The following MALRD1 variants were observed in gnomAD, a reference collection of about 807,000 sequenced individuals.
The protein encoded by MALRD1 is MAM and LDL receptor class A domain containing 1.
In MALRD1, 247 loss-of-function variants were observed where a neutral mutation model predicts 242.1. The ratio of observed to expected loss-of-function variants is 1.02; its 90% CI spans 0.92 to 1.13. The LOEUF is 1.13. Ranked by LOEUF, MALRD1 falls within the 50% of genes most tolerant of loss-of-function variation. The pLI, the probability that MALRD1 is intolerant of heterozygous loss-of-function variation, is 0.00. For synonymous variants in MALRD1, 995 were observed against 866.6 expected (o/e 1.15, Z -2.60); for missense variants, 2,989 against 2,533.1 (o/e 1.18, Z -3.86).
At chr10:19,313,560 C>T (rs1017006653) in intron 21 of MALRD1, among the ~76,000 whole-genome samples, 1 of 151,268 alleles carries the variant, frequency 6.6e-6, no homozygotes, top group African/African-American at 2.4e-5. Context: ...ATCCCAAGTA[C>T]CCCAATTTGA....
intron 11 of MALRD1, among the ~76,000 whole-genome samples, chr10:19,151,880 T>G (rs543510386): frequency 6.6e-6 from 1 of 152,202 alleles, no homozygotes; most frequent in East Asian, 1.9e-4. Context: ...TAATTTTATT[T>G]ATTATTCATT....
intron 32 of MALRD1, among the ~76,000 whole-genome samples, chr10:19,562,165 G>A (rs543307308): frequency 1.3e-5 from 2 of 152,136 alleles, no homozygotes; most frequent in African/African-American, 2.4e-5. Flanking sequence ...GCGTGGTGGC[G>A]GGTGCCTGTA....
chr10:19,162,500 C>T (rs1160174293), intron 12 of MALRD1, among the ~76,000 whole-genome samples: 4 of 152,082 alleles, frequency 2.6e-5, no homozygotes, highest in Non-Finnish European at 5.9e-5. Flanking sequence ...CTGGCATGTA[C>T]CAGGTTGAGA....
At chr10:19,224,396 C>A (rs11009001) in intron 18 of MALRD1, among the ~76,000 whole-genome samples, 9,819 of 151,744 alleles carry the variant, frequency 0.065, 381 homozygotes, top group East Asian at 0.17. Flanking sequence ...AAGCAATTCT[C>A]CTGCCTTAGC....
At chr10:19,374,893 T>A (rs1366272297) in intron 26 of MALRD1, among the ~76,000 whole-genome samples, 1 of 152,164 alleles carries the variant, frequency 6.6e-6, no homozygotes, top group Non-Finnish European at 1.5e-5. Flanking sequence ...ATGGATTTCA[T>A]TCTGGGCAGT....
chr10:19,243,775 TA>T (rs1838914452), intron 18 of MALRD1, among the ~76,000 whole-genome samples: 1 of 152,178 alleles, frequency 6.6e-6, no homozygotes. Flanking sequence ...TAGAAATATG[TA>T]ATAACCATAA....
In MALRD1 at chr10:19,364,415, A is replaced by C. The variant is rs570391126; in HGVS notation, c.4441+12118A>C. Reference sequence around the variant, plus strand: ...ACTCACAATTTGGTTGTTTCTTAGGAGCTCTAAAAACCAAAAGACTACATT... The same window carrying C: ...ACTCACAATTTGGTTGTTTCTTAGGCGCTCTAAAAACCAAAAGACTACATT... On this transcript the variant is annotated intron_variant, in intron 26 of 39. Coordinates refer to ENST00000454679, the MANE Select transcript of MALRD1 (RefSeq NM_001142308.3). Among the ~76,000 whole-genome samples the C allele has an allele frequency of 1.5e-3, 224 of 152,198 alleles. 3 individuals are homozygous for C. The highest frequency in any genetic ancestry group is 3.4e-3 in the Middle Eastern group (1 of 294).
At chr10:19,115,575 A>T (rs1836843036) in intron 5 of MALRD1, among the ~76,000 whole-genome samples, 1 of 152,136 alleles carries the variant, frequency 6.6e-6, no homozygotes, top group African/African-American at 2.4e-5. Context: ...TTTATAATAT[A>T]TGGCTTATTT....
intron 21 of MALRD1, among the ~76,000 whole-genome samples, chr10:19,311,408 G>T (rs527929872): frequency 1.9e-4 from 28 of 151,204 alleles, no homozygotes; most frequent in Non-Finnish European, 3.0e-4. Context: ...TTTCCTGCTG[G>T]TGTTTACCTT....
At chr10:19,448,803 A>G (rs1835148028) in intron 28 of MALRD1, among the ~76,000 whole-genome samples, 1 of 151,928 alleles carries the variant, frequency 6.6e-6, no homozygotes, top group Non-Finnish European at 1.5e-5. Context: ...ACATTATAAC[A>G]GAATTTATGA....
At chr10:19,254,916 CAT>C (rs1296250844) in intron 18 of MALRD1, among the ~76,000 whole-genome samples, 5 of 151,926 alleles carry the variant, frequency 3.3e-5, no homozygotes, top group African/African-American at 1.2e-4. Flanking sequence ...GAGGCTAAAA[CAT>C]GTGTTTGTAT....
At chr10:19,507,046 G>A (rs1017829738) in intron 31 of MALRD1, among the ~76,000 whole-genome samples, 1 of 152,018 alleles carries the variant, frequency 6.6e-6, no homozygotes, top group Non-Finnish European at 1.5e-5. Flanking sequence ...CACAACGCAT[G>A]GTGAAAGCAG....
chr10:19,103,689 A>T (rs1836361229), intron 4 of MALRD1, among the ~76,000 whole-genome samples: 1 of 152,218 alleles, frequency 6.6e-6, no homozygotes, highest in African/African-American at 2.4e-5. Flanking sequence ...AACACATAGG[A>T]ACTGAAAATA....
intron 19 of MALRD1, among the ~76,000 whole-genome samples, chr10:19,264,643 C>A (rs572201751): frequency 6.6e-6 from 1 of 151,812 alleles, no homozygotes; most frequent in Non-Finnish European, 1.5e-5. Context: ...TTCGTAGATC[C>A]GGGGTTTCAC....
intron 31 of MALRD1, among the ~76,000 whole-genome samples, chr10:19,526,036 A>G (rs1564413624): frequency 2.6e-5 from 4 of 152,132 alleles, no homozygotes; most frequent in Admixed American, 1.3e-4. Flanking sequence ...TAAATTCTAA[A>G]TATGCTGTGG....
At chr10:19,423,985 T>C (rs999824091) in intron 28 of MALRD1, among the ~76,000 whole-genome samples, 1 of 152,044 alleles carries the variant, frequency 6.6e-6, no homozygotes, top group Non-Finnish European at 1.5e-5. Flanking sequence ...TGTACAAATA[T>C]CAATGCAACC....
intron 21 of MALRD1, among the ~76,000 whole-genome samples, chr10:19,321,129 A>G (rs2132026292): frequency 6.6e-6 from 1 of 152,202 alleles, no homozygotes; most frequent in African/African-American, 2.4e-5. Context: ...TGTTCTTGTC[A>G]TGAAGTCTTT....
intron 1 of MALRD1, among the ~76,000 whole-genome samples, chr10:19,060,897 A>T (rs182409948): frequency 6.6e-6 from 1 of 152,220 alleles, no homozygotes; most frequent in South Asian, 2.1e-4. Flanking sequence ...ATGCCCATCA[A>T]TGACAGACTG....
intron 28 of MALRD1, among the ~76,000 whole-genome samples, chr10:19,417,329 G>A (rs1833549262): frequency 6.6e-6 from 1 of 152,076 alleles, no homozygotes; most frequent in South Asian, 2.1e-4. Context: ...TTTGATTTTG[G>A]TGGACATTTT....
Sources: gnomAD v4.1 joint callset for allele counts (sites outside exome capture counted in the v4.1 genomes callset) on GRCh38, gnomAD v4.1.1 for gene constraint, MANE v1.5 for transcripts, NCBI Gene and HGNC (gene_info 2026-07-23, HGNC 2026-07-21) for gene names.